CWC27: variants seen among roughly 807,000 people sequenced by gnomAD.
The protein encoded by CWC27 is CWC27 spliceosome associated cyclophilin, also known as spliceosome-associated protein CWC27 homolog.
In CWC27, 47 loss-of-function variants were observed where a neutral mutation model predicts 63.6. The observed-to-expected ratio is 0.74, with a 90% CI of 0.58 to 0.94. CWC27 has a LOEUF of 0.94. Among genes scored for constraint, CWC27 ranks in the 40% least tolerant of loss-of-function variants. The probability of loss-of-function intolerance (pLI) is 0.00; values close to 1 mark genes in which losing one functional copy is unlikely to be tolerated. For synonymous variants in CWC27, 175 were observed against 179.8 expected (o/e 0.97, Z 0.22); for missense variants, 495 against 554.3 (o/e 0.89, Z 1.07).
chr5:64,815,542 G>A (rs1745001047), intron 10 of CWC27, among the ~76,000 whole-genome samples: 1 of 152,144 alleles, frequency 6.6e-6, no homozygotes, highest in Non-Finnish European at 1.5e-5. Context: ...AAAAGATAAT[G>A]CAATCTACTA....
intron 13 of CWC27, among the ~76,000 whole-genome samples, chr5:64,989,982 A>G (rs1749503706): frequency 6.6e-6 from 1 of 152,148 alleles, no homozygotes; most frequent in Non-Finnish European, 1.5e-5. Context: ...AAAAAAAGCA[A>G]TACTGGTAGT....
At chr5:65,005,831 G>A (rs901294314) in intron 13 of CWC27, among the ~76,000 whole-genome samples, 27 of 152,108 alleles carry the variant, frequency 1.8e-4, no homozygotes, top group Admixed American at 1.7e-3. Context: ...ACATTTGATA[G>A]TTATAAAATA....
intron 11 of CWC27, among the ~76,000 whole-genome samples, 193 bp downstream of exon 11, chr5:64,885,739 T>TGTGCGTG (rs1427858737): frequency 4.1e-5 from 1 of 24,280 alleles, no homozygotes; most frequent in African/African-American, 9.6e-5. Flanking sequence ...GTGTGTGTGT[T>TGTGCGTG]TTTAATACTT....
intron 13 of CWC27, among the ~76,000 whole-genome samples, chr5:65,011,264 C>A (rs1229668972): frequency 6.6e-6 from 1 of 152,138 alleles, no homozygotes; most frequent in African/African-American, 2.4e-5. Context: ...TTCAAGAGCA[C>A]CTGCAGCCTA....
At chr5:64,836,653 C>A (rs756010513) in intron 10 of CWC27, among the ~76,000 whole-genome samples, 2 of 151,916 alleles carry the variant, frequency 1.3e-5, no homozygotes, top group African/African-American at 2.4e-5. Context: ...TTAGTATGAA[C>A]CTTTGACAAA....
chr5:64,960,991 A>G (rs1313296559), intron 11 of CWC27, among the ~76,000 whole-genome samples: 2 of 151,996 alleles, frequency 1.3e-5, no homozygotes, highest in Non-Finnish European at 2.9e-5. Context: ...TGGTCCTGAG[A>G]CAACAGAGGG....
intron 1 of CWC27, 103 bp downstream of exon 1, chr5:64,769,291 A>G (rs1177355830): frequency 3.0e-6 from 3 of 991,634 alleles, no homozygotes; most frequent in Non-Finnish European, 4.8e-6. Flanking sequence ...GTAGGAAGAG[A>G]CCACGAGAAG....
intron 11 of CWC27, among the ~76,000 whole-genome samples, chr5:64,919,811 G>A (rs1459438319): frequency 2.0e-5 from 3 of 152,150 alleles, no homozygotes; most frequent in Non-Finnish European, 4.4e-5. Context: ...TTGGCTCTGA[G>A]CTTGGTTGTT....
chr5:64,813,459 A>T (rs1175310269), intron 10 of CWC27, among the ~76,000 whole-genome samples: 1 of 152,200 alleles, frequency 6.6e-6, no homozygotes, highest in African/African-American at 2.4e-5. Flanking sequence ...TTTTACAATT[A>T]GATTTTGTAT....
In CWC27 at chr5:65,012,967, T is replaced by C. The variant is rs1749988113; in HGVS notation, c.1257-5192T>C. ...TTTGGAGTTGGAAGCCTGGCACTGA[T>C]AGTTTTTAAAGCTACTTGGTGATTT... On this transcript the variant is annotated intron_variant, in intron 13 of 13. Coordinates refer to ENST00000381070, the MANE Select transcript of CWC27 (RefSeq NM_005869.4). Among the ~76,000 whole-genome samples the C allele has an allele frequency of 2.0e-5, 3 of 152,196 alleles. No homozygotes were observed. The South Asian group carries it at 6.2e-4, about 31-fold the overall frequency.
chr5:64,801,383 C>G (rs113509700), intron 9 of CWC27, 51 bp downstream of exon 9: 27 of 1,219,630 alleles, frequency 2.2e-5, no homozygotes, highest in African/African-American at 1.5e-4. Context: ...ATAGAAAGTA[C>G]AAAATTTTTA....
At chr5:64,793,173 A>C (rs1744138019) in intron 7 of CWC27, among the ~76,000 whole-genome samples, 1 of 152,134 alleles carries the variant, frequency 6.6e-6, no homozygotes, top group Admixed American at 6.6e-5. Context: ...CAATTGGCCT[A>C]GTGGCCTTCA....
intron 10 of CWC27, chr5:64,845,038 A>G (rs889986018): frequency 1.3e-5 from 6 of 456,582 alleles, no homozygotes; most frequent in Admixed American, 9.4e-5. Flanking sequence ...ATGAGAAGCC[A>G]TCACAGTTTC....
rs570609110 is a variant in CWC27 at position 64,893,115 on chromosome 5, G to C, written c.1042+7569G>C. On this transcript the variant is annotated intron_variant, in intron 11 of 13. Transcript: ENST00000381070. ...CACACGTGTTTTATTGTTTTGTTTT[G>C]TTTGGATATTTAGATTGTCTCCAGA... 4.6e-5 allele frequency among the ~76,000 whole-genome samples: 7 copies of C among 152,320 alleles called. No homozygotes were observed. The South Asian group carries it at 1.4e-3, about 32-fold the overall frequency.
chr5:64,915,440 G>T (rs1747872258), intron 11 of CWC27, among the ~76,000 whole-genome samples: 1 of 152,198 alleles, frequency 6.6e-6, no homozygotes, highest in Admixed American at 6.5e-5. Flanking sequence ...CAACAGATTT[G>T]CCTGATCTGA....
intron 11 of CWC27, among the ~76,000 whole-genome samples, chr5:64,918,659 A>C (rs902883517): frequency 6.6e-6 from 1 of 152,244 alleles, no homozygotes; most frequent in African/African-American, 2.4e-5. Context: ...AGATACAAAA[A>C]TTAAAATAAG....
intron 11 of CWC27, among the ~76,000 whole-genome samples, chr5:64,932,050 G>T (rs192154785): frequency 6.6e-6 from 1 of 152,036 alleles, no homozygotes; most frequent in Non-Finnish European, 1.5e-5. Context: ...GGTAGTTATC[G>T]TGATTATGAT....
chr5:64,904,809 CT>C (rs1423159539), intron 11 of CWC27, among the ~76,000 whole-genome samples: 1 of 152,220 alleles, frequency 6.6e-6, no homozygotes, highest in African/African-American at 2.4e-5. Flanking sequence ...GAATAGATGA[CT>C]TCCTAAGATA....
intron 11 of CWC27, among the ~76,000 whole-genome samples, chr5:64,937,669 A>G (rs1419902214): frequency 6.6e-6 from 1 of 152,130 alleles, no homozygotes; most frequent in Non-Finnish European, 1.5e-5. Context: ...TATCTTGTTG[A>G]TCTGTCTAAT....
Sources: gnomAD v4.1 joint callset for allele counts (sites outside exome capture counted in the v4.1 genomes callset) on GRCh38, gnomAD v4.1.1 for gene constraint, MANE v1.5 for transcripts, NCBI Gene and HGNC (gene_info 2026-07-23, HGNC 2026-07-21) for gene names.